The following CNR2 variants were observed in gnomAD, a reference collection of about 807,000 sequenced individuals.
The protein encoded by CNR2 is cannabinoid receptor 2 (macrophage).
For synonymous variants in CNR2, 172 were observed against 182.2 expected, an observed-to-expected ratio of 0.94 and a Z score of 0.45; for missense variants, 379 against 439.9, an observed-to-expected ratio of 0.86 and a Z score of 1.24.
intron 1 of CNR2, among the ~76,000 whole-genome samples, chr1:23,898,335 CTTTTTTTTTTTTT>C (rs557452268): frequency 1.8e-5 from 2 of 108,226 alleles, no homozygotes; most frequent in African/African-American, 7.3e-5. Flanking sequence ...CCGCGCCCGG[CTTTTTTTTTTTTT>C]TTTTTTTTTT....
At chr1:23,897,929 G>A (rs1640311179) in intron 1 of CNR2, among the ~76,000 whole-genome samples, 1 of 152,218 alleles carries the variant, frequency 6.6e-6, no homozygotes, top group Admixed American at 6.5e-5. Flanking sequence ...TCTCTCCTGA[G>A]TGCTTCCTTT....
intron 1 of CNR2, among the ~76,000 whole-genome samples, chr1:23,910,396 T>C (rs1057187260): frequency 6.6e-6 from 1 of 151,546 alleles, no homozygotes; most frequent in African/African-American, 2.4e-5. Flanking sequence ...TAGTAAATGC[T>C]TCATCAATCT....
intron 1 of CNR2, among the ~76,000 whole-genome samples, chr1:23,890,741 G>A (rs1640175907): frequency 2.0e-5 from 1 of 50,802 alleles, no homozygotes; most frequent in African/African-American, 7.2e-5. Flanking sequence ...GTGAGACTCT[G>A]TCTCAAAAAA....
chr1:23,910,122 A>T (rs1328013499), intron 1 of CNR2, among the ~76,000 whole-genome samples: 16 of 120,296 alleles, frequency 1.3e-4, no homozygotes, highest in East Asian at 2.4e-4. Context: ...CTAATTTTTA[A>T]TTTTTTTTTT....
Position 23,875,324 on chromosome 1 carries a change from A to G in CNR2, c.294T>C (p.His98=), listed in dbSNP as rs201802474. Residue 98 remains histidine, a synonymous_variant, in exon 2 of 2, where the codon CAT becomes CAC. Coordinates refer to ENST00000374472, the MANE Select transcript of CNR2 (RefSeq NM_001841.3). ...ACSFVNFHVF[H]GVDSKAVFLL... Reference sequence around the variant, plus strand: ...GGAAGACAGCCTTGGAATCCACACCATGGAAAACATGGAAATTCACAAAGC... The same window carrying G: ...GGAAGACAGCCTTGGAATCCACACCGTGGAAAACATGGAAATTCACAAAGC... 8.1e-6 allele frequency: 13 copies of G among 1,614,204 alleles called. No individual in the cohort carries two copies. Among genetic ancestry groups the G allele is most frequent in the Non-Finnish European group, 9.3e-6 (11 of 1,180,040 alleles).
In CNR2 at chr1:23,874,442, T is replaced by G; in HGVS notation, c.*93A>C. The G allele has an allele frequency of 7.2e-7, 1 of 1,392,748 alleles. No homozygotes were observed. The highest frequency in any genetic ancestry group is 9.7e-7 in the Non-Finnish European group (1 of 1,026,386). 86.3% of individuals were successfully genotyped at this position (1,392,748 alleles called of 1,614,324 possible). ...TCCGTGTCTAGGTGTCTGGGACTGGTTTAAGTAAGAAGAGAGTGCCAAGAC... is the reference window on the plus strand; with the variant it reads ...TCCGTGTCTAGGTGTCTGGGACTGGGTTAAGTAAGAAGAGAGTGCCAAGAC... On this transcript the variant is annotated 3_prime_UTR_variant, in exon 2 of 2. Coordinates refer to ENST00000374472, the MANE Select transcript of CNR2 (RefSeq NM_001841.3).
chr1:23,877,394 G>A (rs1187667005), intron 1 of CNR2, among the ~76,000 whole-genome samples: 1 of 151,864 alleles, frequency 6.6e-6, no homozygotes, highest in Non-Finnish European at 1.5e-5. Flanking sequence ...CCAGCACTTT[G>A]GGAGGTCAAG....
intron 1 of CNR2, among the ~76,000 whole-genome samples, chr1:23,880,185 C>CTCTTTTTTTTT (rs1553140134): frequency 7.8e-6 from 1 of 128,752 alleles, no homozygotes. Flanking sequence ...ACTTCCAACT[C>CTCTTTTTTTTT]TTTTTTTTTT....
intron 1 of CNR2, among the ~76,000 whole-genome samples, chr1:23,912,062 G>A (rs1474032800): frequency 6.6e-6 from 1 of 152,196 alleles, no homozygotes; most frequent in African/African-American, 2.4e-5. Context: ...GCCCTGTGCT[G>A]CTGCCCGCCC....
chr1:23,878,612 C>T (rs1278040052), intron 1 of CNR2, among the ~76,000 whole-genome samples: 1 of 152,170 alleles, frequency 6.6e-6, no homozygotes, highest in Non-Finnish European at 1.5e-5. Context: ...CTCCTGGCCT[C>T]AGGTGATATG....
At chr1:23,898,975 T>A (rs1180770305) in intron 1 of CNR2, among the ~76,000 whole-genome samples, 1 of 152,148 alleles carries the variant, frequency 6.6e-6, no homozygotes, top group Non-Finnish European at 1.5e-5. Flanking sequence ...TATTTTTAAA[T>A]GTTTTCATTC....
intron 1 of CNR2, among the ~76,000 whole-genome samples, chr1:23,904,677 G>C (rs1432792501): frequency 6.6e-6 from 1 of 152,118 alleles, no homozygotes; most frequent in Non-Finnish European, 1.5e-5. Context: ...GGTGGGAGGA[G>C]CATTGTTAAA....
rs114906949 is a variant in CNR2 at position 23,889,217 on chromosome 1, G to C, written c.-45-13555C>G. The stretch of plus-strand genomic sequence containing the variant: ...GTGTGCCTGGGGGTTTTTCTAACCT[G>C]AAGTGAAAGCGTGAAGTGAAAGAAG... On this transcript the variant is annotated intron_variant, in intron 1 of 1. Transcript: ENST00000374472. Among the ~76,000 whole-genome samples the C allele has an allele frequency of 9.0e-3, 1,365 of 152,232 alleles. 15 individuals carry two copies. The highest frequency in any genetic ancestry group is 0.032 in the African/African-American group (1,331 of 41,522).
At chr1:23,889,510 G>C (rs1044843983) in intron 1 of CNR2, among the ~76,000 whole-genome samples, 1 of 152,028 alleles carries the variant, frequency 6.6e-6, no homozygotes, top group African/African-American at 2.4e-5. Flanking sequence ...AAAAAATATA[G>C]ATAGTGTCTT....
chr1:23,881,272 T>C (rs1425319538), intron 1 of CNR2, among the ~76,000 whole-genome samples: 1 of 151,282 alleles, frequency 6.6e-6, no homozygotes, highest in Non-Finnish European at 1.5e-5. Flanking sequence ...TGAGACTCCG[T>C]CTCAAAAAAT....
chr1:23,902,892 C>G (rs1570721011), intron 1 of CNR2, among the ~76,000 whole-genome samples: 1 of 150,968 alleles, frequency 6.6e-6, no homozygotes, highest in Non-Finnish European at 1.5e-5. Flanking sequence ...GCGGCGCTGG[C>G]GGGGACGTAG....
At chr1:23,905,011 A>G (rs1570722666) in intron 1 of CNR2, among the ~76,000 whole-genome samples, 2 of 152,064 alleles carry the variant, frequency 1.3e-5, no homozygotes, top group African/African-American at 2.4e-5. Context: ...TGAGGTTGCA[A>G]TTCAGGCTGG....
chr1:23,875,931 T>C (rs1639867458), intron 1 of CNR2, among the ~76,000 whole-genome samples: 1 of 152,036 alleles, frequency 6.6e-6, no homozygotes, highest in African/African-American at 2.4e-5. Context: ...AAAAGACTAA[T>C]CCTAAGACTT....
intron 1 of CNR2, among the ~76,000 whole-genome samples, chr1:23,905,525 T>C (rs1175416777): frequency 6.6e-6 from 1 of 151,306 alleles, no homozygotes; most frequent in African/African-American, 2.4e-5. Flanking sequence ...TTAATTTATA[T>C]ATTCTACACA....
Sources: gnomAD v4.1 joint callset for allele counts (sites outside exome capture counted in the v4.1 genomes callset) on GRCh38, gnomAD v4.1.1 for gene constraint, MANE v1.5 for transcripts, NCBI Gene and HGNC (gene_info 2026-07-23, HGNC 2026-07-21) for gene names.